Variants in AIG1 observed in about 807,000 individuals in gnomAD.
AIG1 encodes the protein androgen-induced gene 1 protein.
A neutral mutation model predicts 31.4 loss-of-function variants in AIG1; 23 were observed. The ratio of observed to expected loss-of-function variants is 0.73; its 90% CI spans 0.53 to 1.04. The LOEUF (loss-of-function observed/expected upper bound fraction) is 1.04, where lower values mean the gene tolerates loss of function less well. Ranked by LOEUF, AIG1 falls within the 50% of genes least tolerant of loss-of-function variation. The pLI is 0.00. For missense variants in AIG1, 274 were observed against 295.0 expected (o/e 0.93, Z 0.52); for synonymous variants, 100 against 110.5 (o/e 0.90, Z 0.60).
In AIG1 at chr6:143,328,626, T is replaced by G. The variant is rs1011193086; in HGVS notation, c.516-4656T>G. ...CTTTTTTTCATCGATGCATTATAGA[T>G]GTACACAGTTTCAAGGTATATGTGT... On this transcript the variant is annotated intron_variant, in intron 4 of 5. Coordinates refer to ENST00000357847, the MANE Select transcript of AIG1 (RefSeq NM_016108.4). The surrounding 1 kb of genome is among the most constrained non-coding windows in gnomAD (Gnocchi z 4.0). Among the ~76,000 whole-genome samples the G allele has an allele frequency of 6.6e-5, 10 of 152,226 alleles. No homozygotes were observed. Among genetic ancestry groups the G allele is most frequent in the African/African-American group, 2.4e-4 (10 of 41,464 alleles).
chr6:143,122,512 G>C (rs767773305), intron 1 of AIG1, among the ~76,000 whole-genome samples: 1 of 152,104 alleles, frequency 6.6e-6, no homozygotes, highest in African/African-American at 2.4e-5. Flanking sequence ...ACTATTCACT[G>C]TTTTATAAAC....
rs537381543 is a variant in AIG1, at chr6:143,210,507, G to A, written c.399+45324G>A. ...TCAGGAACCTGAAGGAGTAGTAGAT[G>A]TACAGAACACAGTAAAGTTTCAGAA... is the stretch of plus-strand genomic sequence containing the variant. On this transcript the variant is annotated intron_variant, in intron 3 of 5. Coordinates refer to ENST00000357847, the MANE Select transcript of AIG1 (RefSeq NM_016108.4). Among the ~76,000 whole-genome samples, 10 of 152,214 alleles carry A rather than the reference G, an allele frequency of 6.6e-5. No individual in the cohort carries two copies. In the South Asian group the frequency reaches 8.3e-4, roughly 13 times the overall value.
At chr6:143,183,646 A>G (rs1788954583) in intron 3 of AIG1, among the ~76,000 whole-genome samples, 1 of 152,338 alleles carries the variant, frequency 6.6e-6, no homozygotes, top group South Asian at 2.1e-4. Context: ...AGGCCCAGCA[A>G]TAGTATTAGT....
At chr6:143,248,452 T>C (rs9496542) in intron 3 of AIG1, among the ~76,000 whole-genome samples, 112,051 of 152,116 alleles carry the variant, frequency 0.74, 42,985 homozygotes, top group East Asian at 1. Flanking sequence ...CTTTAAAGAC[T>C]ATGTCTCAGT....
chr6:143,283,605 A>G (rs563669762), intron 3 of AIG1, among the ~76,000 whole-genome samples: 68 of 152,262 alleles, frequency 4.5e-4, no homozygotes, highest in Non-Finnish European at 6.5e-4. Context: ...TAGTATATCC[A>G]TATAATGGAG....
chr6:143,132,158 T>G (rs112670952), intron 1 of AIG1, among the ~76,000 whole-genome samples: 3 of 152,226 alleles, frequency 2.0e-5, no homozygotes, highest in Non-Finnish European at 4.4e-5. Context: ...CGTTAATAAA[T>G]GTAGAAATTA....
chr6:143,341,802 T>C (rs1211962722), downstream of AIG1, among the ~76,000 whole-genome samples: 7 of 152,342 alleles, frequency 4.6e-5, no homozygotes, highest in East Asian at 1.9e-4. Context: ...GGATGAATTT[T>C]GGAGGATGAT....
chr6:143,216,396 T>G (rs550623939), intron 3 of AIG1, among the ~76,000 whole-genome samples: 1 of 152,214 alleles, frequency 6.6e-6, no homozygotes, highest in Non-Finnish European at 1.5e-5. Flanking sequence ...AGGCAAGGCC[T>G]GTAGGAACTG....
At chr6:143,081,138 A>G (rs1778214979) in intron 1 of AIG1, among the ~76,000 whole-genome samples, 1 of 152,170 alleles carries the variant, frequency 6.6e-6, no homozygotes, top group Non-Finnish European at 1.5e-5. Flanking sequence ...GATTCTTAGT[A>G]AGGCTATAGG....
chr6:143,070,965 G>A (rs138928304), intron 1 of AIG1, among the ~76,000 whole-genome samples: 189 of 152,264 alleles, frequency 1.2e-3, no homozygotes, highest in African/African-American at 4.0e-3. Flanking sequence ...TCTCCCAGTG[G>A]TTACACCTTG....
chr6:143,322,038 G>T (rs1251861719), intron 4 of AIG1, among the ~76,000 whole-genome samples: 1 of 152,214 alleles, frequency 6.6e-6, no homozygotes, highest in Non-Finnish European at 1.5e-5. Flanking sequence ...CCAGAGGACA[G>T]ATGTGACAAA....
intron 3 of AIG1, among the ~76,000 whole-genome samples, chr6:143,255,614 A>G (rs1203141388): frequency 1.3e-5 from 2 of 152,148 alleles, no homozygotes; most frequent in African/African-American, 4.8e-5. Flanking sequence ...ATTTTGGGGA[A>G]CACAATTCAG....
chr6:143,122,585 A>G (rs1385321053), intron 1 of AIG1, among the ~76,000 whole-genome samples: 1 of 152,202 alleles, frequency 6.6e-6, no homozygotes, highest in African/African-American at 2.4e-5. Context: ...TAATTTTTAG[A>G]ACATATGTTT....
At chr6:143,127,014 G>A (rs1359740668) in intron 1 of AIG1, among the ~76,000 whole-genome samples, 1 of 152,176 alleles carries the variant, frequency 6.6e-6, no homozygotes, top group African/African-American at 2.4e-5. Context: ...GATCTACAGA[G>A]TAATATCTAT....
At chr6:143,295,226 G>A (rs570568362) in intron 4 of AIG1, among the ~76,000 whole-genome samples, 1 of 152,224 alleles carries the variant, frequency 6.6e-6, no homozygotes, top group African/African-American at 2.4e-5. Context: ...GAATCTTTAT[G>A]CTTTGCTCCA....
chr6:143,228,586 C>T lies in AIG1; in HGVS notation c.400-55524C>T, dbSNP rs940155830. 3.3e-5 allele frequency among the ~76,000 whole-genome samples: 5 copies of T among 152,262 alleles called. No homozygotes were observed. The East Asian group carries it at 9.7e-4, about 29-fold the overall frequency. ...CATAAGGGAGAGAACAGCTGAGGAGCAGGAAAGAGGATTTGAGTCGCCATT... is the reference window on the plus strand; with the variant it reads ...CATAAGGGAGAGAACAGCTGAGGAGTAGGAAAGAGGATTTGAGTCGCCATT... On this transcript the variant is annotated intron_variant, in intron 3 of 5. Transcript: ENST00000357847.
chr6:143,180,390 C>T (rs1788612153), intron 3 of AIG1, among the ~76,000 whole-genome samples: 1 of 152,166 alleles, frequency 6.6e-6, no homozygotes, highest in African/African-American at 2.4e-5. Context: ...CCCAAAGGGC[C>T]ATTTTCAGTT....
Position 143,256,408 on chromosome 6 carries a change from G to A in AIG1, c.400-27702G>A, listed in dbSNP as rs985529597. ...TATGTCATATCATAGGCTGGTTTCT[G>A]GGGCTACAACTTTTACTGTACATTA... On this transcript the variant is annotated intron_variant, in intron 3 of 5. Transcript: ENST00000357847. This position sits in a 1 kb window ranked among gnomAD's most constrained non-coding sequence, Gnocchi z 4.6. Among the ~76,000 whole-genome samples the A allele has an allele frequency of 1.3e-5, 2 of 152,180 alleles. No homozygotes were observed. The highest frequency in any genetic ancestry group is 2.4e-5 in the African/African-American group (1 of 41,444).
chr6:143,239,299 C>T (rs931328251), intron 3 of AIG1, among the ~76,000 whole-genome samples: 1 of 152,108 alleles, frequency 6.6e-6, no homozygotes, highest in Non-Finnish European at 1.5e-5. Flanking sequence ...AGTGGAATCT[C>T]GTAACAGAAG....
Sources: allele counts gnomAD v4.1 joint callset (sites outside exome capture counted in the v4.1 genomes callset), GRCh38; gene constraint gnomAD v4.1.1; non-coding constraint Gnocchi (gnomAD v3.1); transcripts MANE v1.5; gene names NCBI Gene and HGNC (gene_info 2026-07-23, HGNC 2026-07-21).